SDK1: variants seen among roughly 807,000 people sequenced by gnomAD.
SDK1 encodes the protein protein sidekick-1.
In SDK1, 157 loss-of-function variants were observed where a neutral mutation model predicts 245.5. That is an observed-to-expected ratio of 0.64 (90% CI 0.56 to 0.73). The LOEUF (loss-of-function observed/expected upper bound fraction) is 0.73, where lower values mean the gene tolerates loss of function less well. SDK1 is among the 30% of genes least tolerant of loss of function. The pLI is 0.00. For missense variants in SDK1, 3,583 were observed against 3,002.3 expected, an observed-to-expected ratio of 1.19 and a Z score of -4.52; for synonymous variants, 1,647 against 1,278.5, an observed-to-expected ratio of 1.29 and a Z score of -6.15.
At chr7:3,444,612 G>A (rs1196105400) in intron 1 of SDK1, among the ~76,000 whole-genome samples, 2 of 151,994 alleles carry the variant, frequency 1.3e-5, no homozygotes, top group Admixed American at 6.6e-5. Flanking sequence ...GTTAGTGTTC[G>A]CCTTAGATGG....
chr7:3,501,738 TGAA>T (rs1319933251), intron 1 of SDK1, among the ~76,000 whole-genome samples: 1 of 152,212 alleles, frequency 6.6e-6, no homozygotes, highest in Non-Finnish European at 1.5e-5. Flanking sequence ...TATTTTTTGT[TGAA>T]GTATGTGCAG....
Position 3,453,136 on chromosome 7 carries a change from C to G in SDK1, c.298+151252C>G, listed in dbSNP as rs1365466202. Among the ~76,000 whole-genome samples the G allele has an allele frequency of 2.6e-5, 4 of 152,058 alleles. 1 individual carries two copies. Among genetic ancestry groups the G allele is most frequent in the South Asian group, 4.2e-4 (2 of 4,818 alleles). ...TAGAACTTTGAGCAGTTTAACCCCCCCCGGTTTTCCAACTCTTTCCCTCAC... is the reference window on the plus strand; with the variant it reads ...TAGAACTTTGAGCAGTTTAACCCCCGCCGGTTTTCCAACTCTTTCCCTCAC... On this transcript the variant is annotated intron_variant, in intron 1 of 44. Transcript: ENST00000404826.
intron 1 of SDK1, among the ~76,000 whole-genome samples, chr7:3,344,810 G>A (rs1029767185): frequency 6.6e-6 from 1 of 152,162 alleles, no homozygotes; most frequent in Non-Finnish European, 1.5e-5. Context: ...GAACGTAAAA[G>A]TTCAGCAGTC....
At chr7:3,457,459 C>G (rs1459123690) in intron 1 of SDK1, among the ~76,000 whole-genome samples, 1 of 152,132 alleles carries the variant, frequency 6.6e-6, no homozygotes, top group African/African-American at 2.4e-5. Flanking sequence ...ACTGTCACAA[C>G]TTGTGGTTCA....
rs145016550 is a variant in SDK1 at position 3,977,533 on chromosome 7, G to T, written c.1994+2988G>T. Among the ~76,000 whole-genome samples, 1,220 of 152,348 alleles carry T rather than the reference G, an allele frequency of 8.0e-3. 17 individuals are homozygous for T. The highest frequency in any genetic ancestry group is 0.028 in the African/African-American group (1,169 of 41,580). ...CCTGGGTTCTTTCTGCCCTTCATGA[G>T]CCCCAGCCATCCACTGTCTCTGCGG... On this transcript the variant is annotated intron_variant, in intron 13 of 44. Coordinates refer to ENST00000404826, the MANE Select transcript of SDK1 (RefSeq NM_152744.4).
At chr7:3,992,828 T>G (rs1784442352) in intron 14 of SDK1, among the ~76,000 whole-genome samples, 1 of 152,178 alleles carries the variant, frequency 6.6e-6, no homozygotes, top group African/African-American at 2.4e-5. Context: ...TGTAGAAATC[T>G]TATAGTAGTG....
At chr7:3,728,436 T>A (rs1167210563) in intron 4 of SDK1, among the ~76,000 whole-genome samples, 1 of 152,206 alleles carries the variant, frequency 6.6e-6, no homozygotes, top group Admixed American at 6.5e-5. Flanking sequence ...CACCACCTCT[T>A]AGCTGAGTGA....
intron 14 of SDK1, among the ~76,000 whole-genome samples, chr7:4,010,000 C>G (rs1328782963): frequency 6.6e-6 from 1 of 152,182 alleles, no homozygotes; most frequent in South Asian, 2.1e-4. Flanking sequence ...TCTGCCTAGC[C>G]CAACACTATG....
At chr7:4,154,261 G>T (rs901017757) in intron 30 of SDK1, among the ~76,000 whole-genome samples, 1 of 152,216 alleles carries the variant, frequency 6.6e-6, no homozygotes, top group Non-Finnish European at 1.5e-5. Context: ...AGTACAAACT[G>T]GCTTTCTAAA....
rs546601774 is a variant in SDK1, at chr7:3,595,796, C to G, written c.299-23284C>G. ...TGAGCCCAGATAGTGCCACTGCACT[C>G]CAGCCTGGTCGACAGAGTTAAGACT... On this transcript the variant is annotated intron_variant, in intron 1 of 44. Coordinates refer to ENST00000404826, the MANE Select transcript of SDK1 (RefSeq NM_152744.4). 6.0e-5 allele frequency among the ~76,000 whole-genome samples: 8 copies of G among 133,794 alleles called. No individual in the cohort carries two copies. In the East Asian group the frequency reaches 1.6e-3, roughly 27 times the overall value. 87.8% of individuals were successfully genotyped at this position (133,794 alleles called of 152,430 possible). A position where few individuals can be genotyped will look rare whatever the true frequency, so the allele number is the denominator to read the frequency against.
chr7:3,626,605 C>T (rs1458435564), intron 2 of SDK1, among the ~76,000 whole-genome samples: 1 of 152,192 alleles, frequency 6.6e-6, no homozygotes, highest in East Asian at 1.9e-4. Context: ...TACAACTGGT[C>T]TTGCGAGTAC....
At chr7:4,040,945 A>T (rs917397780) in intron 17 of SDK1, among the ~76,000 whole-genome samples, 1 of 152,178 alleles carries the variant, frequency 6.6e-6, no homozygotes. Flanking sequence ...CTATGTCTGC[A>T]GCTCAGTTTT....
Position 3,582,484 on chromosome 7 carries a change from C to T in SDK1, c.299-36596C>T, listed in dbSNP as rs146836721. 3.3e-4 allele frequency among the ~76,000 whole-genome samples: 50 copies of T among 150,226 alleles called. 1 individual carries two copies. The highest frequency in any genetic ancestry group is 1.2e-3 in the African/African-American group (47 of 40,580). On this transcript the variant is annotated intron_variant, in intron 1 of 44. Transcript: ENST00000404826. ...GGTAGGTCTGTCTCAGGTAGGTCTC[C>T]CTCAGGTAGGCCTCCACTCTCAAGT... is the stretch of plus-strand genomic sequence containing the variant.
intron 22 of SDK1, among the ~76,000 whole-genome samples, chr7:4,107,625 A>G (rs1169294933): frequency 6.6e-6 from 1 of 152,172 alleles, no homozygotes; most frequent in Admixed American, 6.5e-5. Context: ...ACCATGCCAC[A>G]GGGCCAGCAT....
At chr7:3,606,972 TA>T (rs1399697205) in intron 1 of SDK1, among the ~76,000 whole-genome samples, 2 of 152,146 alleles carry the variant, frequency 1.3e-5, no homozygotes, top group Non-Finnish European at 2.9e-5. Flanking sequence ...AGGACACTAA[TA>T]AAGAAATAAT....
At chr7:3,593,609 C>T (rs1388311893) in intron 1 of SDK1, among the ~76,000 whole-genome samples, 2 of 152,210 alleles carry the variant, frequency 1.3e-5, no homozygotes, top group African/African-American at 4.8e-5. Flanking sequence ...GGCACCCATG[C>T]TTACTGGGGA....
At chr7:3,556,555 C>A (rs553465033) in intron 1 of SDK1, among the ~76,000 whole-genome samples, 1 of 152,056 alleles carries the variant, frequency 6.6e-6, no homozygotes, top group Non-Finnish European at 1.5e-5. Flanking sequence ...TGTGGTGGCT[C>A]ACACCTTGTA....
rs1486253274 is a variant in SDK1 at position 4,139,715 on chromosome 7, G to GTA, written c.4229-6006_4229-6005insAT. Reference sequence around the variant, plus strand: ...TATGTGTGTGTGTGTATGTGTGTGTGTGTGTATGTGTGTGTGTGTGTATGT... The same window carrying GTA: ...TATGTGTGTGTGTGTATGTGTGTGTGTATGTGTATGTGTGTGTGTGTGTATGT... On this transcript the variant is annotated intron_variant, in intron 28 of 44. Coordinates refer to ENST00000404826, the MANE Select transcript of SDK1 (RefSeq NM_152744.4). Among the ~76,000 whole-genome samples the GTA allele has an allele frequency of 1.5e-3, 59 of 39,112 alleles. 2 individuals carry two copies. The highest frequency in any genetic ancestry group is 3.3e-3 in the African/African-American group (55 of 16,634). 25.7% of individuals were successfully genotyped at this position (39,112 alleles called of 152,430 possible). A position where few individuals can be genotyped will look rare whatever the true frequency, so the allele number is the denominator to read the frequency against.
At chr7:3,340,259 G>C (rs754208113) in intron 1 of SDK1, among the ~76,000 whole-genome samples, 2 of 151,964 alleles carry the variant, frequency 1.3e-5, no homozygotes, top group Non-Finnish European at 2.9e-5. Flanking sequence ...GGCAATAAAA[G>C]GAGTCACAGA....
Sources: gnomAD v4.1 joint callset for allele counts (sites outside exome capture counted in the v4.1 genomes callset) on GRCh38, gnomAD v4.1.1 for gene constraint, MANE v1.5 for transcripts, NCBI Gene and HGNC (gene_info 2026-07-23, HGNC 2026-07-21) for gene names.